PARD3: variants seen among roughly 807,000 people sequenced by gnomAD.
PARD3 encodes the protein partitioning defective 3 homolog.
PARD3 carries 75 observed loss-of-function variants against 155.4 expected under a neutral mutation model. The ratio of observed to expected loss-of-function variants is 0.48; its 90% confidence interval spans 0.40 to 0.58. The LOEUF (loss-of-function observed/expected upper bound fraction) is 0.58, where lower values mean the gene tolerates loss of function less well. Ranked by LOEUF, PARD3 falls within the 20% of genes least tolerant of loss-of-function variation. The pLI is 0.00. For missense variants in PARD3, 1,642 were observed against 1,721.7 expected, an observed-to-expected ratio of 0.95 and a Z score of 0.82; for synonymous variants, 576 against 610.5, an observed-to-expected ratio of 0.94 and a Z score of 0.83.
chr10:34,796,388 A>G (rs1359460556), intron 1 of PARD3, among the ~76,000 whole-genome samples: 1 of 152,134 alleles, frequency 6.6e-6, no homozygotes, highest in African/African-American at 2.4e-5. Context: ...TAATTAAATC[A>G]TTGTTTATTT....
rs1166646247 is a variant in PARD3 at position 34,360,157 on chromosome 10, T to G, written c.1810A>C (p.Ser604Arg). Reference sequence around the variant, plus strand: ...TCTTTTGACCGGTTACCTTTGACACTGACACCAAGGCCTGCAGATCCTGAA... The same window carrying G: ...TCTTTTGACCGGTTACCTTTGACACGGACACCAAGGCCTGCAGATCCTGAA... ...NDSGSAGLGV[S>R]VKGNRSKENH... is the part of the protein sequence containing the mutation. Residue 604 changes from serine (S) to arginine (R), a missense_variant, in exon 13 of 25, where the codon AGT becomes CGT. Transcript: ENST00000374788. 7.4e-6 allele frequency: 12 copies of G among 1,613,898 alleles called. No homozygotes were observed. Among genetic ancestry groups the G allele is most frequent in the Non-Finnish European group, 1.0e-5 (12 of 1,179,856 alleles).
At chr10:34,731,761 A>G (rs1007324653) in intron 1 of PARD3, among the ~76,000 whole-genome samples, 1 of 152,184 alleles carries the variant, frequency 6.6e-6, no homozygotes, top group Non-Finnish European at 1.5e-5. Context: ...TCATCATGCC[A>G]CATACAGCTT....
At chr10:34,147,545 A>C (rs1382586281) in intron 22 of PARD3, among the ~76,000 whole-genome samples, 1 of 151,848 alleles carries the variant, frequency 6.6e-6, no homozygotes, top group African/African-American at 2.4e-5. Context: ...GATCTTTATA[A>C]GTTTATATAT....
intron 2 of PARD3, among the ~76,000 whole-genome samples, chr10:34,665,840 AAGAACAGAACAGAACAGAACAGAAC>A (rs60764123): frequency 8.1e-4 from 111 of 136,682 alleles, no homozygotes; most frequent in Admixed American, 2.9e-3. Context: ...GTCTCAATTA[AAGAACAGAACAGAACAGAACAGAAC>A]AGAACAGAAC....
intron 22 of PARD3, among the ~76,000 whole-genome samples, chr10:34,198,113 T>A (rs1041239400): frequency 6.6e-6 from 1 of 152,238 alleles, no homozygotes; most frequent in Non-Finnish European, 1.5e-5. Flanking sequence ...ACATTAACAA[T>A]GATAACAGCA....
At chr10:34,206,541 GAAGGA>G (rs1370502776) in intron 22 of PARD3, among the ~76,000 whole-genome samples, 1 of 152,208 alleles carries the variant, frequency 6.6e-6, no homozygotes, top group Admixed American at 6.5e-5. Flanking sequence ...GTCGGTGATA[GAAGGA>G]AACAGCTTTA....
intron 1 of PARD3, among the ~76,000 whole-genome samples, chr10:34,708,376 GA>G (rs944492938): frequency 1.3e-5 from 2 of 152,144 alleles, no homozygotes; most frequent in Non-Finnish European, 2.9e-5. Flanking sequence ...AAGGACAACT[GA>G]AGAAATTTGT....
chr10:34,674,472 C>T (rs964843410), intron 2 of PARD3, among the ~76,000 whole-genome samples: 3 of 144,224 alleles, frequency 2.1e-5, no homozygotes, highest in Admixed American at 7.2e-5. Flanking sequence ...CACCTGCACG[C>T]TCTTGATTTT....
chr10:34,642,908 T>C (rs976953611), intron 2 of PARD3, among the ~76,000 whole-genome samples: 1 of 152,194 alleles, frequency 6.6e-6, no homozygotes, highest in Admixed American at 6.5e-5. Context: ...CCCAGCTCTG[T>C]GGCTTCCCAT....
intron 9 of PARD3, among the ~76,000 whole-genome samples, chr10:34,379,003 G>C (rs1841552216): frequency 6.6e-6 from 1 of 152,108 alleles, no homozygotes; most frequent in South Asian, 2.1e-4. Flanking sequence ...TGATACATTT[G>C]TAATGAATCA....
At chr10:34,795,160 T>C (rs966104660) in intron 1 of PARD3, among the ~76,000 whole-genome samples, 2 of 152,218 alleles carry the variant, frequency 1.3e-5, no homozygotes, top group African/African-American at 4.8e-5. Flanking sequence ...GAAGCCTCTA[T>C]GCTGGAGACA....
At chr10:34,334,306 A>G (rs1397547010) in intron 18 of PARD3, among the ~76,000 whole-genome samples, 1 of 148,056 alleles carries the variant, frequency 6.8e-6, no homozygotes, top group Non-Finnish European at 1.5e-5. Context: ...CTATTTTCCT[A>G]GATCTGTTTC....
chr10:34,686,796 C>A (rs10827390), intron 2 of PARD3, among the ~76,000 whole-genome samples: 92,140 of 151,488 alleles, frequency 0.61, 28,926 homozygotes, highest in Non-Finnish European at 0.67. Flanking sequence ...CACCTGTAAT[C>A]CTAGCACTTT....
intron 1 of PARD3, among the ~76,000 whole-genome samples, chr10:34,807,500 C>T (rs986278864): frequency 3.3e-5 from 5 of 152,184 alleles, no homozygotes; most frequent in African/African-American, 9.7e-5. Flanking sequence ...AAACCTCATA[C>T]CCATTCACAG....
chr10:34,413,166 CACACACACACACACAT>C (rs1845284932), intron 5 of PARD3, among the ~76,000 whole-genome samples: 1 of 151,656 alleles, frequency 6.6e-6, no homozygotes, highest in African/African-American at 2.4e-5. Flanking sequence ...CACACACACA[CACACACACACACACAT>C]ATATATAAGA....
At chr10:34,737,287 T>C (rs547785253) in intron 1 of PARD3, among the ~76,000 whole-genome samples, 3 of 152,318 alleles carry the variant, frequency 2.0e-5, no homozygotes. Context: ...ATTCTGTAAC[T>C]ATGTGCTCAG....
At chr10:34,181,047 T>G (rs982409947) in intron 22 of PARD3, among the ~76,000 whole-genome samples, 1 of 152,190 alleles carries the variant, frequency 6.6e-6, no homozygotes, top group African/African-American at 2.4e-5. Flanking sequence ...TCTCTGAGCC[T>G]TAATGTAACA....
chr10:34,613,729 T>A (rs1462761347), intron 2 of PARD3, among the ~76,000 whole-genome samples: 1 of 152,208 alleles, frequency 6.6e-6, no homozygotes, highest in Non-Finnish European at 1.5e-5. Context: ...AAAAAAAGGT[T>A]TAAAACATAG....
At chr10:34,450,979 C>A (rs1484546257) in intron 4 of PARD3, among the ~76,000 whole-genome samples, 1 of 152,138 alleles carries the variant, frequency 6.6e-6, no homozygotes, top group East Asian at 1.9e-4. Context: ...ACCTACTTCA[C>A]AAGATAGCAG....
Sources: allele counts gnomAD v4.1 joint callset (sites outside exome capture counted in the v4.1 genomes callset), GRCh38; gene constraint gnomAD v4.1.1; transcripts MANE v1.5; gene names NCBI Gene and HGNC (gene_info 2026-07-23, HGNC 2026-07-21).